The following PPP3CC variants were observed in gnomAD, a reference collection of about 807,000 sequenced individuals.
The protein encoded by PPP3CC is protein phosphatase 3 catalytic subunit gamma.
In PPP3CC, 35 loss-of-function variants were observed where a neutral mutation model predicts 60.3. The ratio of observed to expected loss-of-function variants is 0.58; its 90% CI spans 0.44 to 0.77. The LOEUF (loss-of-function observed/expected upper bound fraction) is 0.77, where lower values mean the gene tolerates loss of function less well. Ranked by LOEUF, PPP3CC falls within the 30% of genes least tolerant of loss-of-function variation. The probability of loss-of-function intolerance (pLI) is 0.00; values close to 1 mark genes in which losing one functional copy is unlikely to be tolerated. For synonymous variants in PPP3CC, 206 were observed against 224.3 expected, an observed-to-expected ratio of 0.92 and a Z score of 0.73; for missense variants, 570 against 628.9, an observed-to-expected ratio of 0.91 and a Z score of 1.00.
intron 1 of PPP3CC, among the ~76,000 whole-genome samples, chr8:22,458,032 A>C (rs2132441913): frequency 6.6e-6 from 1 of 152,258 alleles, no homozygotes; most frequent in African/African-American, 2.4e-5. Context: ...CAGAGGATGC[A>C]GTGAGCCGAG....
chr8:22,487,395 G>T (rs1377632805), intron 3 of PPP3CC, among the ~76,000 whole-genome samples: 1 of 152,152 alleles, frequency 6.6e-6, no homozygotes, highest in Non-Finnish European at 1.5e-5. Flanking sequence ...AGGCCAAGGA[G>T]GGTGGGTCAC....
At chr8:22,512,045 A>T (rs770144091) in intron 5 of PPP3CC, among the ~76,000 whole-genome samples, 2 of 152,184 alleles carry the variant, frequency 1.3e-5, no homozygotes, top group Non-Finnish European at 2.9e-5. Context: ...TATCTTCATT[A>T]TGGAAAAAGA....
intron 3 of PPP3CC, among the ~76,000 whole-genome samples, chr8:22,495,123 A>G (rs1282138407): frequency 6.6e-6 from 1 of 151,722 alleles, no homozygotes; most frequent in East Asian, 1.9e-4. Flanking sequence ...TAATTTTTAA[A>G]TGTTTTGTAG....
At chr8:22,497,776 T>C (rs1586835211) in intron 3 of PPP3CC, among the ~76,000 whole-genome samples, 1 of 152,028 alleles carries the variant, frequency 6.6e-6, no homozygotes, top group South Asian at 2.1e-4. Context: ...GCTGAGAGAG[T>C]TCTAGATATT....
chr8:22,442,634 A>G (rs1438285412), intron 1 of PPP3CC, among the ~76,000 whole-genome samples: 3 of 152,210 alleles, frequency 2.0e-5, no homozygotes, highest in Non-Finnish European at 4.4e-5. Flanking sequence ...GGTTTAACTG[A>G]ATTGTTCATC....
At chr8:22,461,505 G>T (rs1337839192) in intron 1 of PPP3CC, among the ~76,000 whole-genome samples, 1 of 152,000 alleles carries the variant, frequency 6.6e-6, no homozygotes, top group East Asian at 1.9e-4. Flanking sequence ...TAAGTAAATA[G>T]TAGAATAACA....
intron 1 of PPP3CC, among the ~76,000 whole-genome samples, chr8:22,442,386 C>T (rs1027422521): frequency 1.3e-5 from 2 of 152,138 alleles, no homozygotes; most frequent in African/African-American, 2.4e-5. Context: ...AGATACTTTT[C>T]TTCTTTTTCA....
intron 3 of PPP3CC, among the ~76,000 whole-genome samples, chr8:22,487,442 G>A (rs1838257806): frequency 1.3e-5 from 2 of 152,088 alleles, no homozygotes; most frequent in East Asian, 1.9e-4. Flanking sequence ...TGGATGACAT[G>A]GTAAAACCCT....
chr8:22,491,152 T>A (rs925907909), intron 3 of PPP3CC, among the ~76,000 whole-genome samples: 1 of 152,208 alleles, frequency 6.6e-6, no homozygotes. Flanking sequence ...AACACCCTCA[T>A]ATAAATCTAC....
Position 22,475,133 on chromosome 8 carries a change from G to C in PPP3CC, c.229G>C (p.Val77Leu). 6.2e-7 allele frequency: 1 copy of C among 1,611,640 alleles called. No homozygotes were observed. The highest frequency in any genetic ancestry group is 8.5e-7 in the Non-Finnish European group (1 of 1,178,414). Reference protein sequence around the residue: ...ILRQEKTMIEVDAPITVCGDI... With the variant: ...ILRQEKTMIELDAPITVCGDI... ...GAGGCAAGAGAAGACTATGATAGAA[G>C]TAGATGCTCCAATCACAGGTATAAA... Residue 77 changes from valine to leucine, a missense_variant, in exon 2 of 14, where the codon GTA becomes CTA. Val to Leu is a conservative substitution (Grantham distance 32, BLOSUM62 1). Transcript: ENST00000240139.
intron 1 of PPP3CC, among the ~76,000 whole-genome samples, chr8:22,469,129 T>C (rs1436509665): frequency 6.6e-6 from 1 of 152,158 alleles, no homozygotes; most frequent in Non-Finnish European, 1.5e-5. Context: ...ATGGTATATA[T>C]ACACAATGGA....
intron 6 of PPP3CC, among the ~76,000 whole-genome samples, 186 bp downstream of exon 6, chr8:22,513,618 A>C (rs971709014): frequency 6.6e-6 from 1 of 152,224 alleles, no homozygotes. Context: ...ATATATCCTA[A>C]GAAGTGTAAT....
At chr8:22,499,610 T>C (rs960526468) in intron 4 of PPP3CC, among the ~76,000 whole-genome samples, 3 of 152,204 alleles carry the variant, frequency 2.0e-5, no homozygotes, top group Admixed American at 2.0e-4. Context: ...AACTCGTAGA[T>C]TTCCTTGACT....
At chr8:22,490,666 T>C (rs2132498199) in intron 3 of PPP3CC, among the ~76,000 whole-genome samples, 1 of 141,230 alleles carries the variant, frequency 7.1e-6, no homozygotes, top group Middle Eastern at 3.6e-3. Flanking sequence ...AGTGTTCTCA[T>C]TGTTCAATTC....
chr8:22,454,949 G>A (rs1222214067), intron 1 of PPP3CC, among the ~76,000 whole-genome samples: 3 of 151,624 alleles, frequency 2.0e-5, no homozygotes, highest in East Asian at 3.9e-4. Context: ...CCAGCTACTC[G>A]GGAGGCTAAG....
rs571000693 is a variant in PPP3CC at position 22,522,440 on chromosome 8, A to T, written c.771-51A>T. 8.5e-6 allele frequency: 12 copies of T among 1,409,682 alleles called. No homozygotes were observed. The Admixed American group carries it at 1.2e-4, about 14-fold the overall frequency. 87.3% of individuals were successfully genotyped at this position (1,409,682 alleles called of 1,614,324 possible). A position where few individuals can be genotyped will look rare whatever the true frequency, so the allele number is the denominator to read the frequency against. On this transcript the variant is annotated intron_variant, in intron 6 of 13. Coordinates refer to ENST00000240139, the MANE Select transcript of PPP3CC (RefSeq NM_005605.5). Reference sequence around the variant, plus strand: ...CTTGACTTTTCCCCATCTTCCTATTAAAAAAAATTGTTTTAATTCTGGATT... The same window carrying T: ...CTTGACTTTTCCCCATCTTCCTATTTAAAAAAATTGTTTTAATTCTGGATT...
intron 1 of PPP3CC, among the ~76,000 whole-genome samples, chr8:22,443,240 G>C (rs1333392595): frequency 6.6e-6 from 1 of 152,152 alleles, no homozygotes; most frequent in African/African-American, 2.4e-5. Context: ...GCAGGGGCTA[G>C]GGGCAGGCAT....
rs529521059 is a variant in PPP3CC, at chr8:22,489,740, A to G, written c.373-8261A>G. On this transcript the variant is annotated intron_variant, in intron 3 of 13. Transcript: ENST00000240139. ...ATATATTATATATTATATATATAAT[A>G]AGTATATATTATATATAAGTATATA... is the stretch of plus-strand genomic sequence containing the variant. Among the ~76,000 whole-genome samples, 216 of 67,200 alleles carry G rather than the reference A, an allele frequency of 3.2e-3. 1 individual carries two copies. Among genetic ancestry groups the G allele is most frequent in the African/African-American group, 9.3e-3 (209 of 22,380 alleles). The allele number at this position is 67,200 out of a possible 152,430, so 44.1% of individuals were successfully genotyped here. A position where few individuals can be genotyped will look rare whatever the true frequency, so the allele number is the denominator to read the frequency against.
chr8:22,531,302 A>T, intron 10 of PPP3CC: 1 of 1,531,522 alleles, frequency 6.5e-7, no homozygotes, highest in Non-Finnish European at 8.7e-7. Context: ...CTCCCTGAAG[A>T]TCACTACATT....
Sources: allele counts gnomAD v4.1 joint callset (sites outside exome capture counted in the v4.1 genomes callset), GRCh38; gene constraint gnomAD v4.1.1; transcripts MANE v1.5; gene names NCBI Gene and HGNC (gene_info 2026-07-23, HGNC 2026-07-21).